The following BMP5 variants were observed in gnomAD, a reference collection of about 807,000 sequenced individuals.
The protein encoded by BMP5 is bone morphogenetic protein 5.
In BMP5, 23 loss-of-function variants were observed where a neutral mutation model predicts 46.6. The ratio of observed to expected loss-of-function variants is 0.49; its 90% CI spans 0.35 to 0.70. The LOEUF (loss-of-function observed/expected upper bound fraction) is 0.70, where lower values mean the gene tolerates loss of function less well. Ranked by LOEUF, BMP5 falls within the 30% of genes least tolerant of loss-of-function variation. The pLI is 0.00. For missense variants in BMP5, 545 were observed against 565.6 expected (o/e 0.96, Z 0.37); for synonymous variants, 204 against 191.9 (o/e 1.06, Z -0.52).
intron 1 of BMP5, among the ~76,000 whole-genome samples, chr6:55,853,138 T>TAAATA (rs750937640): frequency 0.036 from 3,862 of 107,234 alleles, 225 homozygotes; most frequent in Non-Finnish European, 0.051. Flanking sequence ...CTCAAATACA[T>TAAATA]AAATAAAATA....
At chr6:55,813,454 A>G (rs937595546) in intron 2 of BMP5, among the ~76,000 whole-genome samples, 7 of 152,016 alleles carry the variant, frequency 4.6e-5, no homozygotes, top group Non-Finnish European at 1.0e-4. Context: ...GTCAATTAAC[A>G]TTATTATTTG....
chr6:55,834,296 C>T (rs1776733938), intron 1 of BMP5, among the ~76,000 whole-genome samples: 1 of 152,146 alleles, frequency 6.6e-6, no homozygotes, highest in Non-Finnish European at 1.5e-5. Flanking sequence ...CCTTTCCTCG[C>T]TCCTTTAATC....
chr6:55,861,361 C>T (rs1362449189), intron 1 of BMP5, among the ~76,000 whole-genome samples: 1 of 152,180 alleles, frequency 6.6e-6, no homozygotes, highest in Admixed American at 6.5e-5. Flanking sequence ...CAATTAAACT[C>T]ACTAATACTT....
At chr6:55,767,278 T>C (rs1159964156) in intron 4 of BMP5, among the ~76,000 whole-genome samples, 1 of 152,004 alleles carries the variant, frequency 6.6e-6, no homozygotes, top group African/African-American at 2.4e-5. Context: ...TGTGAACTTC[T>C]GGTTTTCTCT....
intron 3 of BMP5, 93 bp from the exon 4 acceptor site, chr6:55,774,336 A>T (rs1775120744): frequency 8.0e-7 from 1 of 1,242,962 alleles, no homozygotes; most frequent in Non-Finnish European, 1.2e-6. Context: ...AAAGGGGAAA[A>T]GTTTTAAAAC....
intron 3 of BMP5, among the ~76,000 whole-genome samples, chr6:55,789,313 C>T (rs1367364712): frequency 6.6e-6 from 1 of 151,736 alleles, no homozygotes; most frequent in African/African-American, 2.4e-5. Context: ...TCTAATGAAC[C>T]CCAAAATGCT....
rs2127557863 is a variant in BMP5 at position 55,874,997 on chromosome 6, A to G, written c.-132T>C. 1.9e-6 allele frequency: 2 copies of G among 1,051,980 alleles called. No individual in the cohort carries two copies. Among genetic ancestry groups the G allele is most frequent in the Admixed American group, 2.5e-5 (1 of 40,178 alleles). 65.2% of individuals were successfully genotyped at this position (1,051,980 alleles called of 1,614,324 possible). On this transcript the variant is annotated 5_prime_UTR_variant, in exon 1 of 7. Coordinates refer to ENST00000370830, the MANE Select transcript of BMP5 (RefSeq NM_021073.4). ...AATTTACCTATTTTTCATGACAGTGACATTTCTGAGCACAACATCCTCACC... is the reference window on the plus strand; with the variant it reads ...AATTTACCTATTTTTCATGACAGTGGCATTTCTGAGCACAACATCCTCACC...
At chr6:55,813,553 G>A (rs1006766780) in intron 2 of BMP5, among the ~76,000 whole-genome samples, 1 of 151,998 alleles carries the variant, frequency 6.6e-6, no homozygotes, top group Non-Finnish European at 1.5e-5. Flanking sequence ...ACTTTTGGGG[G>A]CCGAGGCGGG....
chr6:55,779,228 G>A (rs928771805), intron 3 of BMP5, among the ~76,000 whole-genome samples: 2 of 152,088 alleles, frequency 1.3e-5, no homozygotes, highest in Admixed American at 1.3e-4. Context: ...GAGTCTAAAC[G>A]TTGATATCAC....
chr6:55,813,659 C>T (rs1366647605), intron 2 of BMP5, among the ~76,000 whole-genome samples: 5 of 151,858 alleles, frequency 3.3e-5, no homozygotes, highest in African/African-American at 9.7e-5. Flanking sequence ...TGGTGGCAGG[C>T]GCCTGTAGTC....
At chr6:55,764,736 A>T (rs1193132156) in intron 4 of BMP5, among the ~76,000 whole-genome samples, 1 of 150,656 alleles carries the variant, frequency 6.6e-6, no homozygotes, top group Non-Finnish European at 1.5e-5. Flanking sequence ...AAAAAAAAAG[A>T]TCTCCTGAAG....
chr6:55,773,859 C>T (rs1775104465), intron 4 of BMP5, among the ~76,000 whole-genome samples, 190 bp downstream of exon 4: 2 of 151,836 alleles, frequency 1.3e-5, no homozygotes, highest in Admixed American at 1.3e-4. Flanking sequence ...GAAGGCAACT[C>T]ATATGTATTT....
intron 2 of BMP5, among the ~76,000 whole-genome samples, chr6:55,806,260 G>C (rs112613388): frequency 1.3e-5 from 2 of 152,128 alleles, no homozygotes; most frequent in Non-Finnish European, 2.9e-5. Flanking sequence ...GTGTAAGAAA[G>C]GGGTCCAGTT....
chr6:55,870,428 T>C (rs1372201077), intron 1 of BMP5, among the ~76,000 whole-genome samples: 1 of 152,154 alleles, frequency 6.6e-6, no homozygotes, highest in Non-Finnish European at 1.5e-5. Flanking sequence ...AGAATGATTG[T>C]TGCTTTACCC....
intron 5 of BMP5, among the ~76,000 whole-genome samples, 193 bp downstream of exon 5, chr6:55,760,264 G>A (rs1175107088): frequency 6.6e-6 from 1 of 151,760 alleles, no homozygotes; most frequent in Non-Finnish European, 1.5e-5. Flanking sequence ...GTTTGACTGT[G>A]ATACCTACTA....
intron 1 of BMP5, among the ~76,000 whole-genome samples, chr6:55,829,386 G>A (rs1776607915): frequency 6.6e-6 from 1 of 151,384 alleles, no homozygotes; most frequent in Non-Finnish European, 1.5e-5. Flanking sequence ...CATAAGGAAG[G>A]CTAAATCCAG....
rs575324695 is a variant in BMP5, at chr6:55,774,155, C to T, written c.921G>A (p.Ala307=). The T allele has an allele frequency of 8.6e-4, 1,391 of 1,613,128 alleles. 29 individuals carry two copies. In the South Asian group the frequency reaches 0.014, roughly 16 times the overall value. Reference sequence around the variant, plus strand: ...TCACGGATCGAAGAAGTACCTCACTCGCCTTGAAGAAGGCCACCATGAATG... The same window carrying T: ...TCACGGATCGAAGAAGTACCTCACTTGCCTTGAAGAAGGCCACCATGAATG... The part of the protein sequence containing the change: ...KQPFMVAFFK[A]SEVLLRSVRA... Residue 307 remains alanine, a synonymous_variant, in exon 4 of 7, where the codon GCG becomes GCA. Transcript: ENST00000370830.
At chr6:55,814,655 C>CTTT (rs1476810147) in intron 2 of BMP5, among the ~76,000 whole-genome samples, 1 of 152,092 alleles carries the variant, frequency 6.6e-6, no homozygotes, top group Admixed American at 6.5e-5. Context: ...CCTTAAACAT[C>CTTT]TTTCTTTGGA....
intron 3 of BMP5, among the ~76,000 whole-genome samples, chr6:55,778,594 A>C (rs1775234967): frequency 6.6e-6 from 1 of 152,012 alleles, no homozygotes; most frequent in Non-Finnish European, 1.5e-5. Context: ...GCTCGTGAAA[A>C]GTTTTTTAAG....
Sources: allele counts gnomAD v4.1 joint callset (sites outside exome capture counted in the v4.1 genomes callset), GRCh38; gene constraint gnomAD v4.1.1; transcripts MANE v1.5; gene names NCBI Gene and HGNC (gene_info 2026-07-23, HGNC 2026-07-21).